TMEM232: variants seen among roughly 807,000 people sequenced by gnomAD.
TMEM232 encodes the protein transmembrane protein 232.
TMEM232 carries 80 observed loss-of-function variants against 78.8 expected under a neutral mutation model. The ratio of observed to expected loss-of-function variants is 1.01; its 90% CI spans 0.85 to 1.22. The LOEUF (loss-of-function observed/expected upper bound fraction) is 1.22. TMEM232 is among the 50% of genes most tolerant of loss of function. The pLI, the probability that TMEM232 is intolerant of heterozygous loss-of-function variation, is 0.00. For synonymous variants in TMEM232, 297 were observed against 254.3 expected, an observed-to-expected ratio of 1.17 and a Z score of -1.60; for missense variants, 881 against 742.2, an observed-to-expected ratio of 1.19 and a Z score of -2.17.
intron 12 of TMEM232, among the ~76,000 whole-genome samples, chr5:110,527,553 A>G (rs2149524650): frequency 6.6e-6 from 1 of 152,098 alleles, no homozygotes; most frequent in South Asian, 2.1e-4. Flanking sequence ...AATTCCTCTA[A>G]GCCAGGAACA....
chr5:110,664,186 G>T (rs1790234275), intron 2 of TMEM232, among the ~76,000 whole-genome samples: 1 of 151,950 alleles, frequency 6.6e-6, no homozygotes, highest in Non-Finnish European at 1.5e-5. Flanking sequence ...AGATACACAA[G>T]GAGAAATATG....
chr5:110,489,109 A>G (rs939072444), intron 12 of TMEM232, among the ~76,000 whole-genome samples: 1 of 152,000 alleles, frequency 6.6e-6, no homozygotes, highest in Non-Finnish European at 1.5e-5. Context: ...TGGCTTTATG[A>G]GTAAATTCTA....
chr5:110,693,633 C>T lies in TMEM232; in HGVS notation c.-12-26269G>A, dbSNP rs186202298. Among the ~76,000 whole-genome samples the T allele has an allele frequency of 2.8e-3, 426 of 152,192 alleles. 6 individuals are homozygous for T. Among genetic ancestry groups the T allele is most frequent in the African/African-American group, 9.5e-3 (393 of 41,530 alleles). On this transcript the variant is annotated intron_variant, in intron 1 of 13. Transcript: ENST00000455884. The stretch of plus-strand genomic sequence containing the variant: ...AAGGACCTGATGGAGCTGAAAACCA[C>T]GGCACAACAACTACGTGACGAATCC...
At chr5:110,703,263 G>A (rs1266813757) in intron 1 of TMEM232, among the ~76,000 whole-genome samples, 3 of 150,348 alleles carry the variant, frequency 2.0e-5, no homozygotes, top group Non-Finnish European at 4.5e-5. Context: ...CCCAACAAAA[G>A]CCCCCCACCC....
intron 10 of TMEM232, among the ~76,000 whole-genome samples, chr5:110,594,479 G>A (rs1400305529): frequency 1.3e-5 from 2 of 152,094 alleles, no homozygotes; most frequent in Non-Finnish European, 2.9e-5. Context: ...CCTGGAAAGG[G>A]GGCTGAAACC....
intron 12 of TMEM232, among the ~76,000 whole-genome samples, chr5:110,462,079 A>G (rs930445510): frequency 2.0e-5 from 3 of 152,204 alleles, no homozygotes; most frequent in Non-Finnish European, 4.4e-5. Flanking sequence ...ATTTTGTAAG[A>G]CTGTAGCTGC....
At chr5:110,630,453 T>C (rs1404043790) in intron 5 of TMEM232, among the ~76,000 whole-genome samples, 1 of 152,186 alleles carries the variant, frequency 6.6e-6, no homozygotes, top group Non-Finnish European at 1.5e-5. Flanking sequence ...TAATCTCACA[T>C]GTCGGGGGAG....
At chr5:110,721,334 T>C (rs1289151220) in intron 1 of TMEM232, among the ~76,000 whole-genome samples, 2 of 151,992 alleles carry the variant, frequency 1.3e-5, no homozygotes, top group East Asian at 3.9e-4. Flanking sequence ...ACAAGCTTTT[T>C]GTGCGTCTTT....
At chr5:110,506,784 G>C (rs1482778087) in intron 12 of TMEM232, among the ~76,000 whole-genome samples, 1 of 152,012 alleles carries the variant, frequency 6.6e-6, no homozygotes, top group Non-Finnish European at 1.5e-5. Context: ...TCTGACTGTG[G>C]GAAGGAGATA....
At chr5:110,692,398 G>C (rs112449980) in intron 1 of TMEM232, among the ~76,000 whole-genome samples, 1,526 of 152,328 alleles carry the variant, frequency 0.01, 14 homozygotes, top group African/African-American at 0.034. Flanking sequence ...GGTGATTTCT[G>C]CATATCCAAC....
chr5:110,548,620 G>A (rs953627770), intron 11 of TMEM232, among the ~76,000 whole-genome samples: 3 of 151,592 alleles, frequency 2.0e-5, no homozygotes, highest in Admixed American at 2.0e-4. Flanking sequence ...CAAGAAACAG[G>A]TGTCATCTAT....
intron 12 of TMEM232, among the ~76,000 whole-genome samples, chr5:110,505,313 A>G (rs1379433326): frequency 6.6e-6 from 1 of 152,082 alleles, no homozygotes; most frequent in Non-Finnish European, 1.5e-5. Flanking sequence ...ATGTGTTTGG[A>G]CCCATCATAG....
chr5:110,496,286 AAAAAC>A (rs1765635466), intron 12 of TMEM232, among the ~76,000 whole-genome samples: 1 of 152,026 alleles, frequency 6.6e-6, no homozygotes, highest in Non-Finnish European at 1.5e-5. Flanking sequence ...TTTATTTCAT[AAAAAC>A]AAGTGTTACT....
intron 2 of TMEM232, among the ~76,000 whole-genome samples, chr5:110,666,045 C>T (rs144586461): frequency 0.012 from 1,785 of 152,116 alleles, 46 homozygotes; most frequent in African/African-American, 0.04. Flanking sequence ...GCTATAATCA[C>T]GCCACTGCAC....
intron 2 of TMEM232, among the ~76,000 whole-genome samples, chr5:110,732,460 C>A (rs987778106): frequency 6.6e-6 from 1 of 152,162 alleles, no homozygotes; most frequent in Non-Finnish European, 1.5e-5. Flanking sequence ...ACTTACAGTT[C>A]CACATGGCTG....
chr5:110,524,186 C>T (rs1460480414), intron 12 of TMEM232, among the ~76,000 whole-genome samples: 1 of 147,502 alleles, frequency 6.8e-6, no homozygotes, highest in South Asian at 2.1e-4. Flanking sequence ...TTGCTTGAAC[C>T]AGGAGGTGGA....
upstream of TMEM232, among the ~76,000 whole-genome samples, chr5:110,731,604 T>C (rs892828326): frequency 2.7e-5 from 4 of 150,496 alleles, no homozygotes; most frequent in Admixed American, 1.3e-4. Flanking sequence ...TTCCACCCTC[T>C]GAAGCCACAG....
At chr5:110,524,247 C>T (rs777030372) in intron 12 of TMEM232, among the ~76,000 whole-genome samples, 7 of 111,970 alleles carry the variant, frequency 6.3e-5, no homozygotes, top group Admixed American at 1.1e-4. Context: ...GGCGTCAGAA[C>T]GAGACTCAGT....
intron 12 of TMEM232, among the ~76,000 whole-genome samples, chr5:110,518,576 C>T (rs313614): frequency 6.6e-6 from 1 of 152,120 alleles, no homozygotes; most frequent in Admixed American, 6.5e-5. Context: ...TGATCCTTAA[C>T]CCCAAATCTA....
Sources: gnomAD v4.1 joint callset for allele counts (sites outside exome capture counted in the v4.1 genomes callset) on GRCh38, gnomAD v4.1.1 for gene constraint, MANE v1.5 for transcripts, NCBI Gene and HGNC (gene_info 2026-07-23, HGNC 2026-07-21) for gene names.